Variants in ACAD10 observed in about 807,000 individuals in gnomAD.
ACAD10 encodes ACAD-10.
A neutral mutation model predicts 116.8 loss-of-function variants in ACAD10; 112 were observed. The ratio of observed to expected loss-of-function variants is 0.96; its 90% CI spans 0.82 to 1.12. The LOEUF (loss-of-function observed/expected upper bound fraction) is 1.12. Among genes scored for constraint, ACAD10 ranks in the 50% most tolerant of loss-of-function variants. The probability of loss-of-function intolerance (pLI) is 0.00; values close to 1 mark genes in which losing one functional copy is unlikely to be tolerated. For missense variants in ACAD10, 1,259 were observed against 1,350.2 expected, an observed-to-expected ratio of 0.93 and a Z score of 1.06; for synonymous variants, 486 against 510.6, an observed-to-expected ratio of 0.95 and a Z score of 0.65.
At chr12:111,730,000 G>T (rs1327668947) in intron 10 of ACAD10, 44 bp downstream of exon 10, 7 of 1,593,890 alleles carry the variant, frequency 4.4e-6, no homozygotes, top group African/African-American at 1.3e-5. Flanking sequence ...CAGCAAGGAT[G>T]CTCCAAGGGG....
At chr12:111,754,402 C>T (rs1890151607) in intron 19 of ACAD10, among the ~76,000 whole-genome samples, 1 of 152,230 alleles carries the variant, frequency 6.6e-6, no homozygotes, top group South Asian at 2.1e-4. Context: ...ACTGAAGCCT[C>T]AGCCTCCCAA....
chr12:111,729,994 A>G, intron 10 of ACAD10, 38 bp downstream of exon 10: 1 of 1,603,918 alleles, frequency 6.2e-7, no homozygotes, highest in South Asian at 1.1e-5. Context: ...AAATGACAGC[A>G]AGGATGCTCC....
intron 6 of ACAD10, among the ~76,000 whole-genome samples, chr12:111,713,130 G>A (rs1291592881): frequency 6.6e-6 from 1 of 151,864 alleles, no homozygotes; most frequent in Admixed American, 6.6e-5. Context: ...GGCTAACTTG[G>A]TGAAACCCTG....
At chr12:111,729,575 T>C (rs79872508) in intron 9 of ACAD10, among the ~76,000 whole-genome samples, 2,382 of 152,140 alleles carry the variant, frequency 0.016, 74 homozygotes, top group African/African-American at 0.054. Context: ...GGAGACCATA[T>C]AGCTAGGAAC....
chr12:111,713,963 G>T (rs1457775681), intron 6 of ACAD10, among the ~76,000 whole-genome samples: 1 of 151,544 alleles, frequency 6.6e-6, no homozygotes, highest in Non-Finnish European at 1.5e-5. Flanking sequence ...AAATAATGTT[G>T]CTGGGTGTGG....
chr12:111,712,353 G>A (rs1888710072), intron 5 of ACAD10, 145 bp from the exon 6 acceptor site: 1 of 724,110 alleles, frequency 1.4e-6, no homozygotes, highest in Non-Finnish European at 2.1e-6. Context: ...GCTGGCACCT[G>A]TTCAATATAT....
chr12:111,753,264 G>A (rs181509497), intron 18 of ACAD10: 14 of 310,928 alleles, frequency 4.5e-5, no homozygotes. Flanking sequence ...TTGCAGATAA[G>A]GCCACCCACG....
At chr12:111,696,345 G>T (rs889534877) in intron 2 of ACAD10, among the ~76,000 whole-genome samples, 3 of 152,148 alleles carry the variant, frequency 2.0e-5, no homozygotes, top group Non-Finnish European at 4.4e-5. Context: ...GAGTTACCAT[G>T]CCTCACCTGC....
rs774367115 is a variant in ACAD10 at position 111,744,788 on chromosome 12, G to A, written c.1860G>A (p.Thr620=). 13 of 1,614,090 alleles carry A rather than the reference G, an allele frequency of 8.1e-6. No individual in the cohort carries two copies. The highest frequency in any genetic ancestry group is 6.7e-5 in the Admixed American group (4 of 60,004). The change falls in exon 13 of 21, where the codon ACG becomes ACA. Residue 620 remains threonine (T), a synonymous_variant. Transcript: ENST00000313698. ...FTNPLTRSYH[T]WARPQSQWCP... ...ATCCGTTAACAAGGTCCTACCACACGTGGGCCAGGCCCCAGTCCCAGTGGT... is the reference window on the plus strand; with the variant it reads ...ATCCGTTAACAAGGTCCTACCACACATGGGCCAGGCCCCAGTCCCAGTGGT...
intron 11 of ACAD10, among the ~76,000 whole-genome samples, chr12:111,735,664 C>T (rs937693761): frequency 2.0e-5 from 3 of 152,046 alleles, no homozygotes; most frequent in Non-Finnish European, 2.9e-5. Context: ...ACCGTGTTAG[C>T]CAGGATGGTC....
In ACAD10 at chr12:111,744,810, T is replaced by C; in HGVS notation, c.1882T>C (p.Trp628Arg). The C allele has an allele frequency of 1.9e-6, 3 of 1,614,240 alleles. No homozygotes were observed. The highest frequency in any genetic ancestry group is 2.7e-5 in the African/African-American group (2 of 75,072). ...CACGTGGGCCAGGCCCCAGTCCCAGTGGTGCCCCACAGGCAGCAGGAGTTA... is the reference window on the plus strand; with the variant it reads ...CACGTGGGCCAGGCCCCAGTCCCAGCGGTGCCCCACAGGCAGCAGGAGTTA... ...YHTWARPQSQ[W>R]CPTGSRSYSS... The change falls in exon 13 of 21, where the codon TGG becomes CGG. Residue 628 changes from tryptophan (W) to arginine (R), a missense_variant. Coordinates refer to ENST00000313698, the MANE Select transcript of ACAD10 (RefSeq NM_025247.6).
At chr12:111,700,707 C>T (rs1318652810) in intron 2 of ACAD10, among the ~76,000 whole-genome samples, 2 of 148,100 alleles carry the variant, frequency 1.4e-5, no homozygotes, top group Admixed American at 6.8e-5. Flanking sequence ...GAAGATAGGA[C>T]TGCTTGTCCT....
intron 4 of ACAD10, among the ~76,000 whole-genome samples, chr12:111,707,892 A>G (rs1888558663): frequency 6.6e-6 from 1 of 152,180 alleles, no homozygotes; most frequent in Non-Finnish European, 1.5e-5. Context: ...TTCATTGAGT[A>G]TGTCTAGTTG....
At position 111,748,388 on chromosome 12, in the gene ACAD10, CA is replaced by C; in HGVS notation, c.2558del (p.Gln853ArgfsTer14). On this transcript the variant is annotated frameshift_variant, in exon 17 of 21. Coordinates refer to ENST00000313698, the MANE Select transcript of ACAD10 (RefSeq NM_025247.6). LOFTEE classifies it high-confidence loss of function. ...AGACCCACATGCACCAAGACACCGG[CA>C]GCAGTCTGTGCTCTTGGTTCCCATG... is the stretch of plus-strand genomic sequence containing the variant. Reference protein sequence around the residue: ...KTDPHAPRHRQQSVLLVPMDT... With the variant: ...KTDPHAPRHRXQSVLLVPMDT... The C allele has an allele frequency of 6.2e-7, 1 of 1,614,144 alleles. No homozygotes were observed. The highest frequency in any genetic ancestry group is 8.5e-7 in the Non-Finnish European group (1 of 1,180,036).
At position 111,709,573 on chromosome 12, in the gene ACAD10, C is replaced by G. The variant is rs748979050; in HGVS notation, c.579C>G (p.Ile193Met). Residue 193 changes from isoleucine to methionine, a missense_variant, in exon 5 of 21, where the codon ATC becomes ATG. By Grantham distance (10) the Ile-to-Met change is conservative. Coordinates refer to ENST00000313698, the MANE Select transcript of ACAD10 (RefSeq NM_025247.6). ...MEGICKPDPR[I>M]YKLCLEQLGL... ...GGATCTGTAAGCCAGACCCTAGGAT[C>G]TACAAGCTGTGCTTGGAGCAGCTCG... The G allele has an allele frequency of 1.2e-6, 2 of 1,613,542 alleles. No homozygotes were observed. The highest frequency in any genetic ancestry group is 1.7e-6 in the Non-Finnish European group (2 of 1,179,784).
At chr12:111,752,662 G>A (rs1890107157) in intron 18 of ACAD10, 1 of 151,698 alleles carries the variant, frequency 6.6e-6, no homozygotes. Context: ...CCCGTTTTTG[G>A]AAAAAATAAG....
At chr12:111,724,914 G>A (rs944850502) in intron 8 of ACAD10, among the ~76,000 whole-genome samples, 6 of 151,962 alleles carry the variant, frequency 3.9e-5, no homozygotes, top group Admixed American at 1.3e-4. Context: ...CGTGGGGAGA[G>A]GGAGAGGGAG....
At chr12:111,686,714 C>CT (rs1887869444) in intron 1 of ACAD10, among the ~76,000 whole-genome samples, 1 of 152,044 alleles carries the variant, frequency 6.6e-6, no homozygotes, top group African/African-American at 2.4e-5. Context: ...GAAACTCCGT[C>CT]TCAAAAAAAA....
At chr12:111,729,060 C>T (rs369770904) in intron 9 of ACAD10, among the ~76,000 whole-genome samples, 2 of 152,230 alleles carry the variant, frequency 1.3e-5, no homozygotes, top group Admixed American at 1.3e-4. Flanking sequence ...CTATGAGGAC[C>T]ATCTCAAGAT....
Sources: allele counts gnomAD v4.1 joint callset (sites outside exome capture counted in the v4.1 genomes callset), GRCh38; gene constraint gnomAD v4.1.1; transcripts MANE v1.5; gene names NCBI Gene and HGNC (gene_info 2026-07-23, HGNC 2026-07-21).